The following RASEF variants were observed in gnomAD, a reference collection of about 807,000 sequenced individuals.
RASEF encodes the protein ras and EF-hand domain-containing protein.
In RASEF, 68 loss-of-function variants were observed where a neutral mutation model predicts 90.1. The ratio of observed to expected loss-of-function variants is 0.75; its 90% CI spans 0.62 to 0.92. The LOEUF (loss-of-function observed/expected upper bound fraction) is 0.92. Ranked by LOEUF, RASEF falls within the 40% of genes least tolerant of loss-of-function variation. The pLI is 0.00. For synonymous variants in RASEF, 331 were observed against 345.2 expected, an observed-to-expected ratio of 0.96 and a Z score of 0.46; for missense variants, 949 against 937.2, an observed-to-expected ratio of 1.01 and a Z score of -0.16.
the RASEF span, among the ~76,000 whole-genome samples, chr9:83,071,167 A>G: frequency 6.6e-6 from 1 of 152,194 alleles, no homozygotes; most frequent in Non-Finnish European, 1.5e-5. Flanking sequence ...GTAGAATTGC[A>G]ATAGTAAGAA....
At chr9:83,063,523 AG>A (rs1170574617), upstream of RASEF, among the ~76,000 whole-genome samples, 1 of 152,196 alleles carries the variant, frequency 6.6e-6, no homozygotes, top group Non-Finnish European at 1.5e-5. Context: ...CCAAAGTACA[AG>A]ATTTACCAGA....
chr9:83,204,625 CA>C, the RASEF span, among the ~76,000 whole-genome samples: 2 of 152,164 alleles, frequency 1.3e-5, no homozygotes, highest in Non-Finnish European at 2.9e-5. Context: ...TCATAAAGCT[CA>C]AAAACACCAC....
the RASEF span, among the ~76,000 whole-genome samples, chr9:83,177,783 A>G: frequency 6.6e-6 from 1 of 151,746 alleles, no homozygotes; most frequent in African/African-American, 2.4e-5. Context: ...TGAGATGAAC[A>G]TTTTCTCATG....
At chr9:83,001,788 C>T (rs1829044759) in intron 9 of RASEF, among the ~76,000 whole-genome samples, 1 of 152,090 alleles carries the variant, frequency 6.6e-6, no homozygotes, top group South Asian at 2.1e-4. Context: ...CAATTAGAAA[C>T]ATCTGATAAA....
rs950851088 is a variant in RASEF at position 83,011,412 on chromosome 9, C to T, written c.843+1022G>A. Among the ~76,000 whole-genome samples the T allele has an allele frequency of 4.0e-5, 6 of 151,488 alleles. No individual in the cohort carries two copies. The East Asian group carries it at 7.8e-4, about 20-fold the overall frequency. ...ATTAAAACTCAAAAATTTAGCGGGG[C>T]GTGGTGGTGCGCATCTATAGTTCCA... On this transcript the variant is annotated intron_variant, in intron 5 of 16. Coordinates refer to ENST00000376447, the MANE Select transcript of RASEF (RefSeq NM_152573.4).
At chr9:83,146,750 A>G in the RASEF span, among the ~76,000 whole-genome samples, 2 of 152,162 alleles carry the variant, frequency 1.3e-5, no homozygotes, top group South Asian at 4.1e-4. Flanking sequence ...ATTTCCCACC[A>G]TTACAAATCC....
chr9:82,992,787 G>T, intron 15 of RASEF, 119 bp downstream of exon 15: 1 of 1,014,362 alleles, frequency 9.9e-7, no homozygotes, highest in Non-Finnish European at 1.5e-6. Context: ...AGATGCCTCA[G>T]ACGGGGGAGG....
chr9:83,215,071 G>A, the RASEF span, among the ~76,000 whole-genome samples: 1 of 151,644 alleles, frequency 6.6e-6, no homozygotes, highest in Admixed American at 6.6e-5. Flanking sequence ...AAAGAGAGAA[G>A]AGGAACGTCT....
the RASEF span, among the ~76,000 whole-genome samples, chr9:83,163,913 T>C: frequency 6.6e-6 from 1 of 150,652 alleles, no homozygotes; most frequent in Non-Finnish European, 1.5e-5. Flanking sequence ...TACACCTAGA[T>C]ATATCATTTT....
chr9:83,042,424 A>G (rs1829859167), intron 1 of RASEF, among the ~76,000 whole-genome samples: 1 of 152,176 alleles, frequency 6.6e-6, no homozygotes, highest in South Asian at 2.1e-4. Flanking sequence ...ACTCCAGTGG[A>G]TTCATTCAGC....
the RASEF span, among the ~76,000 whole-genome samples, chr9:83,113,830 C>T: frequency 6.6e-6 from 1 of 152,158 alleles, no homozygotes; most frequent in East Asian, 1.9e-4. Flanking sequence ...CAGTGGGACA[C>T]AGACCCTCAT....
chr9:83,098,272 T>C, the RASEF span, among the ~76,000 whole-genome samples: 1 of 152,152 alleles, frequency 6.6e-6, no homozygotes, highest in Non-Finnish European at 1.5e-5. Flanking sequence ...ATAGGTTTCA[T>C]TTACAATTAC....
chr9:83,019,277 A>T (rs1418460770), intron 3 of RASEF, among the ~76,000 whole-genome samples: 2 of 152,184 alleles, frequency 1.3e-5, no homozygotes, highest in African/African-American at 2.4e-5. Flanking sequence ...TTTTTAAAAA[A>T]AACTGTATTT....
At chr9:83,171,105 T>G in the RASEF span, among the ~76,000 whole-genome samples, 14 of 151,816 alleles carry the variant, frequency 9.2e-5, no homozygotes, top group African/African-American at 3.4e-4. Flanking sequence ...CTTCCATACC[T>G]AGTTTTTATC....
the RASEF span, among the ~76,000 whole-genome samples, chr9:83,104,692 T>G: frequency 6.6e-6 from 1 of 152,356 alleles, no homozygotes; most frequent in African/African-American, 2.4e-5. Flanking sequence ...CCAATTATTC[T>G]GCATTTCCCA....
intron 1 of RASEF, among the ~76,000 whole-genome samples, chr9:83,038,704 G>T (rs1455884972): frequency 6.6e-6 from 1 of 151,884 alleles, no homozygotes; most frequent in Admixed American, 6.6e-5. Context: ...TAAAATTTTT[G>T]ACTAGAACTA....
intron 1 of RASEF, among the ~76,000 whole-genome samples, chr9:83,036,059 T>C (rs1027282262): frequency 6.6e-6 from 1 of 152,198 alleles, no homozygotes. Context: ...GAGACATCCA[T>C]GCAGTGAAAA....
the RASEF span, among the ~76,000 whole-genome samples, chr9:83,144,943 T>C: frequency 6.6e-6 from 1 of 152,324 alleles, no homozygotes; most frequent in Non-Finnish European, 1.5e-5. Flanking sequence ...CAAATTTGTA[T>C]AGATTTTTAC....
intron 1 of RASEF, among the ~76,000 whole-genome samples, chr9:83,046,824 C>CA (rs1829941198): frequency 6.6e-6 from 1 of 152,180 alleles, no homozygotes; most frequent in East Asian, 1.9e-4. Flanking sequence ...CTAAACCTCC[C>CA]ATAAACCCTT....
Sources: allele counts gnomAD v4.1 joint callset (sites outside exome capture counted in the v4.1 genomes callset), GRCh38; gene constraint gnomAD v4.1.1; transcripts MANE v1.5; gene names NCBI Gene and HGNC (gene_info 2026-07-23, HGNC 2026-07-21).